The following PRICKLE1 variants were observed in gnomAD, a reference collection of about 807,000 sequenced individuals.
The protein encoded by PRICKLE1 is prickle planar cell polarity protein 1.
A neutral mutation model predicts 70.2 loss-of-function variants in PRICKLE1; 14 were observed. That is an observed-to-expected ratio of 0.20 (90% confidence interval 0.13 to 0.31). The LOEUF (loss-of-function observed/expected upper bound fraction) is 0.31, where lower values mean the gene tolerates loss of function less well. Ranked by LOEUF, PRICKLE1 falls within the 10% of genes least tolerant of loss-of-function variation. PRICKLE1 has a pLI of 1.00. For missense variants in PRICKLE1, 821 were observed against 1,026.2 expected (o/e 0.80, Z 2.73); for synonymous variants, 357 against 379.9 (o/e 0.94, Z 0.70).
At chr12:42,582,312 G>A (rs1427319741) in intron 1 of PRICKLE1, among the ~76,000 whole-genome samples, 1 of 152,184 alleles carries the variant, frequency 6.6e-6, no homozygotes, top group Non-Finnish European at 1.5e-5. Flanking sequence ...CTTTCTCAAG[G>A]CTTGTGTAAG....
At chr12:42,527,177 G>A (rs1281209687) in intron 1 of PRICKLE1, among the ~76,000 whole-genome samples, 6 of 126,224 alleles carry the variant, frequency 4.8e-5, no homozygotes, top group Non-Finnish European at 7.8e-5. Context: ...CTGTAGCCCC[G>A]GATGGAGTGC....
intron 1 of PRICKLE1, among the ~76,000 whole-genome samples, chr12:42,500,334 C>G (rs1375846467): frequency 6.6e-6 from 1 of 152,132 alleles, no homozygotes; most frequent in African/African-American, 2.4e-5. Flanking sequence ...ACAAAACTAG[C>G]CTGTATTTGA....
chr12:42,545,785 G>T (rs929793971), intron 1 of PRICKLE1, among the ~76,000 whole-genome samples: 8 of 152,016 alleles, frequency 5.3e-5, no homozygotes, highest in South Asian at 2.1e-4. Flanking sequence ...GGTAGGCAAA[G>T]GTTGCAGTGA....
intron 1 of PRICKLE1, among the ~76,000 whole-genome samples, chr12:42,533,674 AC>A (rs1939965510): frequency 6.6e-6 from 1 of 152,186 alleles, no homozygotes; most frequent in African/African-American, 2.4e-5. Context: ...GTACTGCCAT[AC>A]CCCACAAAAA....
chr12:42,564,333 G>A (rs570074655), intron 1 of PRICKLE1, among the ~76,000 whole-genome samples: 4 of 151,898 alleles, frequency 2.6e-5, no homozygotes, highest in African/African-American at 7.2e-5. Context: ...TTGGCCGGGC[G>A]TGGTGGCTCA....
At chr12:42,574,363 A>C (rs1940769991) in intron 1 of PRICKLE1, among the ~76,000 whole-genome samples, 1 of 152,236 alleles carries the variant, frequency 6.6e-6, no homozygotes, top group African/African-American at 2.4e-5. Flanking sequence ...GCAACAAAAA[A>C]AAGTTTGAAA....
chr12:42,542,017 CT>C (rs1940127052), intron 1 of PRICKLE1, among the ~76,000 whole-genome samples: 3 of 152,014 alleles, frequency 2.0e-5, no homozygotes, highest in Non-Finnish European at 4.4e-5. Context: ...GAACATAGTC[CT>C]CAGGGGGCTA....
chr12:42,519,471 T>C (rs1213350396), intron 1 of PRICKLE1, among the ~76,000 whole-genome samples: 2 of 152,152 alleles, frequency 1.3e-5, no homozygotes, highest in Non-Finnish European at 2.9e-5. Context: ...GCCGGGATTA[T>C]AGGCATGAGC....
At position 42,508,563 on chromosome 12, in the gene PRICKLE1, G is replaced by A. The variant is rs191001479; in HGVS notation, c.-48-35999C>T. Among the ~76,000 whole-genome samples, 184 of 152,274 alleles carry A rather than the reference G, an allele frequency of 1.2e-3. 1 individual carries two copies. The highest frequency in any genetic ancestry group is 4.1e-3 in the African/African-American group (172 of 41,554). On this transcript the variant is annotated intron_variant, in intron 1 of 7. Transcript: ENST00000345127. ...ATTCATCAACAGGACTCATTGATAA[G>A]GAACTGCTTCATAAATAGCTTTATT...
At chr12:42,580,765 C>CATAG in intron 1 of PRICKLE1, among the ~76,000 whole-genome samples, 1 of 152,178 alleles carries the variant, frequency 6.6e-6, no homozygotes, top group East Asian at 1.9e-4. Flanking sequence ...AGGCACAGAA[C>CATAG]ATAGATCTTC....
intron 1 of PRICKLE1, among the ~76,000 whole-genome samples, chr12:42,587,670 C>T (rs1019673179): frequency 2.0e-5 from 3 of 152,232 alleles, no homozygotes; most frequent in Non-Finnish European, 2.9e-5. Context: ...CAGGCTCCAG[C>T]TGGGCTACAA....
In PRICKLE1 at chr12:42,589,691, T is replaced by TCC. The variant is rs981038036; in HGVS notation, c.-276_-275insGG. 3 of 151,354 alleles carry TCC rather than the reference T, an allele frequency of 2.0e-5. No individual in the cohort carries two copies. The highest frequency in any genetic ancestry group is 4.4e-5 in the Non-Finnish European group (3 of 67,768). 9.4% of individuals were successfully genotyped at this position (151,354 alleles called of 1,614,324 possible). A position where few individuals can be genotyped will look rare whatever the true frequency, so the allele number is the denominator to read the frequency against. On this transcript the variant is annotated 5_prime_UTR_variant, in exon 1 of 8. Transcript: ENST00000345127. This position sits in a 1 kb window ranked among gnomAD's most constrained non-coding sequence, Gnocchi z 5.0. ...AGGCTGGCATGTTCCGGGCGCGCTG[T>TCC]CGGGCGGCGGCGGCCGCGGGAGACG...
chr12:42,526,877 T>C (rs1939811241), intron 1 of PRICKLE1, among the ~76,000 whole-genome samples: 2 of 151,810 alleles, frequency 1.3e-5, no homozygotes, highest in Non-Finnish European at 2.9e-5. Flanking sequence ...GGCAATAGGA[T>C]GAAACAAGGG....
intron 1 of PRICKLE1, among the ~76,000 whole-genome samples, chr12:42,549,243 C>CCCAGAT (rs1421919534): frequency 6.6e-6 from 1 of 151,958 alleles, no homozygotes; most frequent in Non-Finnish European, 1.5e-5. Flanking sequence ...TTCCTCATTT[C>CCCAGAT]CCAGATGTGT....
At chr12:42,522,066 C>A (rs764530870) in intron 1 of PRICKLE1, among the ~76,000 whole-genome samples, 1 of 151,614 alleles carries the variant, frequency 6.6e-6, no homozygotes, top group Admixed American at 6.6e-5. Context: ...AGCTCCACCT[C>A]GCGGGTTCAA....
rs1940328402 is a variant in PRICKLE1 at position 42,552,088 on chromosome 12, A to G, written c.-49+37377T>C. ...TTTTTTTTTTTTTTTTTTTTTGGAG[A>G]CAGGCTCTCACTCTGTTGTCTAGGC... On this transcript the variant is annotated intron_variant, in intron 1 of 7. Coordinates refer to ENST00000345127, the MANE Select transcript of PRICKLE1 (RefSeq NM_153026.3). Among the ~76,000 whole-genome samples the G allele has an allele frequency of 4.4e-5, 6 of 135,054 alleles. No individual in the cohort carries two copies. In the Admixed American group the frequency reaches 4.7e-4, roughly 11 times the overall value. 88.6% of individuals were successfully genotyped at this position (135,054 alleles called of 152,430 possible).
chr12:42,459,507 A>C lies in PRICKLE1; in HGVS notation c.*302T>G. Reference sequence around the variant, plus strand: ...CTAAAATCAACATCCAATCCCCTTCAGTCAGCATCTTCAGTATTCCCTTGA... The same window carrying C: ...CTAAAATCAACATCCAATCCCCTTCCGTCAGCATCTTCAGTATTCCCTTGA... On this transcript the variant is annotated 3_prime_UTR_variant, in exon 8 of 8. Transcript: ENST00000345127. 1.6e-6 allele frequency: 1 copy of C among 634,858 alleles called. No homozygotes were observed. Among genetic ancestry groups the C allele is most frequent in the South Asian group, 1.8e-5 (1 of 54,696 alleles). 39.3% of individuals were successfully genotyped at this position (634,858 alleles called of 1,614,324 possible). A position where few individuals can be genotyped will look rare whatever the true frequency, so the allele number is the denominator to read the frequency against.
At chr12:42,553,849 TCCCAGC>T (rs1940367774) in intron 1 of PRICKLE1, among the ~76,000 whole-genome samples, 1 of 152,136 alleles carries the variant, frequency 6.6e-6, no homozygotes, top group Admixed American at 6.5e-5. Context: ...ACGCCTGTAA[TCCCAGC>T]ACTTTGGGAG....
intron 1 of PRICKLE1, among the ~76,000 whole-genome samples, chr12:42,557,554 C>T (rs1566125603): frequency 6.6e-6 from 1 of 152,122 alleles, no homozygotes; most frequent in Non-Finnish European, 1.5e-5. Context: ...AAACAGAACT[C>T]CTCTCTTCCT....
Sources: allele counts gnomAD v4.1 joint callset (sites outside exome capture counted in the v4.1 genomes callset), GRCh38; gene constraint gnomAD v4.1.1; non-coding constraint Gnocchi (gnomAD v3.1); transcripts MANE v1.5; gene names NCBI Gene and HGNC (gene_info 2026-07-23, HGNC 2026-07-21).